The following AFG2A variants were observed in gnomAD, a reference collection of about 807,000 sequenced individuals.
The protein encoded by AFG2A is AAA ATPase AFG2A, also known as ATPase family gene 2 protein homolog A.
the AFG2A span, among the ~76,000 whole-genome samples, chr4:123,194,777 G>A: frequency 6.6e-6 from 1 of 152,080 alleles, no homozygotes; most frequent in East Asian, 1.9e-4. Flanking sequence ...TGGTTTCATG[G>A]CAATGGCAAA....
At chr4:123,083,233 C>G in the AFG2A span, among the ~76,000 whole-genome samples, 3 of 152,100 alleles carry the variant, frequency 2.0e-5, no homozygotes, top group Non-Finnish European at 4.4e-5. Flanking sequence ...CTTCTAATTT[C>G]TCACCATTAA....
At chr4:122,998,202 C>A in the AFG2A span, among the ~76,000 whole-genome samples, 1 of 152,056 alleles carries the variant, frequency 6.6e-6, no homozygotes, top group South Asian at 2.1e-4. Context: ...TTTGGTGTCA[C>A]ATTTGAAGAA....
At chr4:123,111,200 C>T in the AFG2A span, among the ~76,000 whole-genome samples, 7 of 152,042 alleles carry the variant, frequency 4.6e-5, no homozygotes, top group South Asian at 1.0e-3. Context: ...ATCTTCATAA[C>T]ATGTATTTGG....
At chr4:123,143,885 T>C in the AFG2A span, among the ~76,000 whole-genome samples, 1 of 151,770 alleles carries the variant, frequency 6.6e-6, no homozygotes, top group African/African-American at 2.4e-5. Context: ...GCTAAATCTA[T>C]TTTTCCTTCT....
At chr4:123,318,614 G>A in the AFG2A span, 2 of 152,122 alleles carry the variant, frequency 1.3e-5, no homozygotes, top group Non-Finnish European at 2.9e-5. Context: ...AGAGTCTCAT[G>A]TTTATGTATT....
the AFG2A span, among the ~76,000 whole-genome samples, chr4:123,035,855 A>G: frequency 7.9e-5 from 12 of 152,280 alleles, no homozygotes; most frequent in Admixed American, 1.3e-4. Context: ...TTAGAAAAAG[A>G]AGGATAATTT....
the AFG2A span, among the ~76,000 whole-genome samples, chr4:123,197,494 G>A: frequency 1.3e-5 from 2 of 152,164 alleles, no homozygotes; most frequent in African/African-American, 2.4e-5. Flanking sequence ...CTTAGGCTGC[G>A]CACAGTGGCT....
the AFG2A span, among the ~76,000 whole-genome samples, chr4:123,075,945 G>C: frequency 2.1e-5 from 3 of 141,426 alleles, no homozygotes; most frequent in Non-Finnish European, 3.0e-5. Context: ...CAACAAGGGC[G>C]AAACTCCATC....
the AFG2A span, among the ~76,000 whole-genome samples, chr4:123,189,992 G>T: frequency 4.8e-4 from 73 of 151,410 alleles, no homozygotes; most frequent in South Asian, 1.3e-3. Context: ...AAGAGACAGG[G>T]TCTCCCTGTG....
At chr4:123,050,453 A>G in the AFG2A span, among the ~76,000 whole-genome samples, 1 of 152,220 alleles carries the variant, frequency 6.6e-6, no homozygotes, top group African/African-American at 2.4e-5. Context: ...CTCGAGAGCT[A>G]TTAATATTTG....
chr4:122,960,780 A>G, the AFG2A span, among the ~76,000 whole-genome samples: 2 of 152,146 alleles, frequency 1.3e-5, no homozygotes, highest in African/African-American at 4.8e-5. Flanking sequence ...AGATATTTTT[A>G]GCTCATTTGT....
chr4:123,069,497 G>GCTT, the AFG2A span, among the ~76,000 whole-genome samples: 17 of 152,174 alleles, frequency 1.1e-4, no homozygotes, highest in African/African-American at 3.6e-4. Context: ...CACAAAGAAG[G>GCTT]AGTGTAGGTA....
At chr4:123,008,211 G>A in the AFG2A span, among the ~76,000 whole-genome samples, 3,302 of 152,240 alleles carry the variant, frequency 0.022, 62 homozygotes, top group Non-Finnish European at 0.036. Context: ...GAGCTTACAT[G>A]TAGAGATCAC....
At chr4:123,121,003 A>G in the AFG2A span, among the ~76,000 whole-genome samples, 2 of 152,190 alleles carry the variant, frequency 1.3e-5, no homozygotes. Context: ...TTGCCCTTGA[A>G]TACCTTTCAG....
chr4:123,128,341 A>G, the AFG2A span, among the ~76,000 whole-genome samples: 1 of 152,172 alleles, frequency 6.6e-6, no homozygotes, highest in Non-Finnish European at 1.5e-5. Context: ...TTATTGGTAG[A>G]AGTATCTCAG....
chr4:123,149,659 G>A, the AFG2A span, among the ~76,000 whole-genome samples: 38 of 152,126 alleles, frequency 2.5e-4, no homozygotes, highest in South Asian at 2.5e-3. Context: ...CCTCACATAG[G>A]CACACACAAA....
At chr4:123,209,301 A>G in the AFG2A span, among the ~76,000 whole-genome samples, 3 of 152,302 alleles carry the variant, frequency 2.0e-5, no homozygotes, top group African/African-American at 7.2e-5. Context: ...GAGGACACCT[A>G]TCAGGTGTAT....
At chr4:123,094,148 T>C in the AFG2A span, among the ~76,000 whole-genome samples, 1 of 152,204 alleles carries the variant, frequency 6.6e-6, no homozygotes, top group Non-Finnish European at 1.5e-5. Context: ...TGGGTTGTAA[T>C]TGATCATCAG....
the AFG2A span, among the ~76,000 whole-genome samples, chr4:123,015,786 C>T: frequency 1.8e-4 from 24 of 136,434 alleles, no homozygotes; most frequent in African/African-American, 3.7e-4. Flanking sequence ...CCTCACCTCC[C>T]GGACCGGGCG....
Sources: gnomAD v4.1 joint callset for allele counts (sites outside exome capture counted in the v4.1 genomes callset) on GRCh38, gnomAD v4.1.1 for gene constraint, MANE v1.5 for transcripts, NCBI Gene and HGNC (gene_info 2026-07-23, HGNC 2026-07-21) for gene names.